Variants in SEMA3A observed in about 807,000 individuals in gnomAD.
SEMA3A encodes the protein semaphorin-3A.
In SEMA3A, 29 loss-of-function variants were observed where a neutral mutation model predicts 97.9. The ratio of observed to expected loss-of-function variants is 0.30; its 90% CI spans 0.22 to 0.40. The LOEUF is 0.40. Among genes scored for constraint, SEMA3A ranks in the 10% least tolerant of loss-of-function variants. The pLI is 1.00. For synonymous variants in SEMA3A, 321 were observed against 323.7 expected, an observed-to-expected ratio of 0.99 and a Z score of 0.09; for missense variants, 763 against 951.3, an observed-to-expected ratio of 0.80 and a Z score of 2.60.
intron 2 of SEMA3A, among the ~76,000 whole-genome samples, chr7:84,354,807 A>T (rs1802517959): frequency 6.6e-6 from 1 of 151,770 alleles, no homozygotes; most frequent in Admixed American, 6.6e-5. Context: ...CAGAACAAAT[A>T]GTTGTATAAT....
intron 3 of SEMA3A, among the ~76,000 whole-genome samples, chr7:84,231,687 G>C (rs2116357700): frequency 6.6e-6 from 1 of 152,048 alleles, no homozygotes; most frequent in South Asian, 2.1e-4. Context: ...TTTGAGGCCA[G>C]AAGGGAATGG....
rs555781034 is a variant in SEMA3A, at chr7:84,427,994, G to A, written c.-245-56094C>T. ...TATAAATTTTAAAGTAATGAATATTGTATTTAGCTTCTTTAATGTCTTCTT... is the reference window on the plus strand; with the variant it reads ...TATAAATTTTAAAGTAATGAATATTATATTTAGCTTCTTTAATGTCTTCTT... On this transcript the variant is annotated intron_variant, in intron 1 of 3. Transcript: ENST00000424555. Among the ~76,000 whole-genome samples, 5 of 152,174 alleles carry A rather than the reference G, an allele frequency of 3.3e-5. No homozygotes were observed. In the East Asian group the frequency reaches 9.7e-4, roughly 29 times the overall value.
chr7:84,115,079 T>C (rs1184407505), intron 3 of SEMA3A, among the ~76,000 whole-genome samples: 1 of 152,072 alleles, frequency 6.6e-6, no homozygotes, highest in Non-Finnish European at 1.5e-5. Context: ...TCCACATCAA[T>C]GCTTTTATAT....
Position 84,484,356 on chromosome 7 carries a change from T to C in SEMA3A, c.-246+8104A>G, listed in dbSNP as rs1405838694. ...AGGAAACAAATATTTTAAATGCATA[T>C]ATTTTTCTTGTTGGTGCATATAAAA... On this transcript the variant is annotated intron_variant, in intron 1 of 3. Transcript: ENST00000424555. Among the ~76,000 whole-genome samples the C allele has an allele frequency of 2.0e-5, 3 of 152,160 alleles. No homozygotes were observed. The East Asian group carries it at 5.8e-4, about 29-fold the overall frequency.
At chr7:84,468,497 T>A (rs1806062561) in intron 1 of SEMA3A, among the ~76,000 whole-genome samples, 1 of 152,226 alleles carries the variant, frequency 6.6e-6, no homozygotes, top group African/African-American at 2.4e-5. Context: ...TTTTAAATAT[T>A]TCTGTCACAC....
chr7:84,262,461 C>T (rs1177652746), intron 3 of SEMA3A, among the ~76,000 whole-genome samples: 1 of 152,098 alleles, frequency 6.6e-6, no homozygotes, highest in African/African-American at 2.4e-5. Flanking sequence ...GTGATCTAAC[C>T]GTCTTGGCCT....
chr7:84,158,186 ACT>A (rs1390940682), intron 1 of SEMA3A, among the ~76,000 whole-genome samples: 2 of 113,432 alleles, frequency 1.8e-5, no homozygotes, highest in Non-Finnish European at 3.3e-5. Flanking sequence ...ATGGAGTCTC[ACT>A]CTGTTGCCCA....
chr7:84,020,660 C>A (rs1205700120), intron 6 of SEMA3A, among the ~76,000 whole-genome samples: 1 of 151,920 alleles, frequency 6.6e-6, no homozygotes, highest in Non-Finnish European at 1.5e-5. Flanking sequence ...GTTATTTTAC[C>A]TTAAAACTTT....
intron 1 of SEMA3A, among the ~76,000 whole-genome samples, chr7:84,407,545 T>C (rs1804131065): frequency 6.6e-6 from 1 of 151,376 alleles, no homozygotes; most frequent in Non-Finnish European, 1.5e-5. Context: ...AAAAACTACT[T>C]TAAAGTTCAT....
At chr7:84,488,429 C>A (rs972019587) in intron 1 of SEMA3A, among the ~76,000 whole-genome samples, 12 of 151,680 alleles carry the variant, frequency 7.9e-5, no homozygotes, top group Admixed American at 6.6e-4. Flanking sequence ...CCCAGATAGT[C>A]CTATTGAATA....
intron 1 of SEMA3A, among the ~76,000 whole-genome samples, chr7:84,160,149 A>G (rs1485310204): frequency 6.6e-6 from 1 of 152,152 alleles, no homozygotes; most frequent in Non-Finnish European, 1.5e-5. Context: ...CCTCATTGAC[A>G]GAATTGCACC....
intron 1 of SEMA3A, among the ~76,000 whole-genome samples, chr7:84,454,672 T>C (rs989155511): frequency 6.6e-6 from 1 of 152,154 alleles, no homozygotes; most frequent in Non-Finnish European, 1.5e-5. Flanking sequence ...AAAATATTGA[T>C]AGAAAAACAC....
intron 3 of SEMA3A, among the ~76,000 whole-genome samples, chr7:84,202,782 T>C (rs1418415932): frequency 6.6e-6 from 1 of 152,170 alleles, no homozygotes; most frequent in Non-Finnish European, 1.5e-5. Context: ...TCACAGGTTA[T>C]TTTTTTAGGA....
chr7:84,460,362 T>C (rs1805797774), intron 1 of SEMA3A, among the ~76,000 whole-genome samples: 2 of 151,452 alleles, frequency 1.3e-5, no homozygotes, highest in African/African-American at 2.4e-5. Flanking sequence ...TTTCCAAAAA[T>C]ATAATGAATC....
intron 4 of SEMA3A, among the ~76,000 whole-genome samples, chr7:84,061,945 A>G (rs1793232838): frequency 6.6e-6 from 1 of 152,156 alleles, no homozygotes; most frequent in African/African-American, 2.4e-5. Flanking sequence ...GTTATAGTGG[A>G]AAACGCAATG....
chr7:84,277,791 C>T (rs562869562), intron 3 of SEMA3A, among the ~76,000 whole-genome samples: 1 of 152,038 alleles, frequency 6.6e-6, no homozygotes, highest in Non-Finnish European at 1.5e-5. Flanking sequence ...GGCTTCAAGA[C>T]CTCTGATGAG....
chr7:84,028,865 C>T lies in SEMA3A; in HGVS notation c.668-14514G>A, dbSNP rs1288966782. On this transcript the variant is annotated intron_variant, in intron 6 of 16. Coordinates refer to ENST00000265362, the MANE Select transcript of SEMA3A (RefSeq NM_006080.3). Reference sequence around the variant, plus strand: ...CAATCTCCTGACCTCGTGATCTGCCCGCCTCGGCCTCCCAAAGTGCTGGGA... The same window carrying T: ...CAATCTCCTGACCTCGTGATCTGCCTGCCTCGGCCTCCCAAAGTGCTGGGA... Among the ~76,000 whole-genome samples the T allele has an allele frequency of 5.3e-5, 8 of 152,050 alleles. No homozygotes were observed. In the East Asian group the frequency reaches 7.7e-4, roughly 15 times the overall value.
chr7:84,293,871 G>C (rs1401292843), intron 3 of SEMA3A, among the ~76,000 whole-genome samples: 1 of 151,962 alleles, frequency 6.6e-6, no homozygotes, highest in Non-Finnish European at 1.5e-5. Flanking sequence ...TCTTCACATA[G>C]ATGAAAAGAT....
chr7:84,050,583 G>A (rs1479367188), intron 5 of SEMA3A, among the ~76,000 whole-genome samples: 1 of 151,932 alleles, frequency 6.6e-6, no homozygotes. Flanking sequence ...AAATTTGTTT[G>A]AGTTCATTGT....
Sources: gnomAD v4.1 joint callset for allele counts (sites outside exome capture counted in the v4.1 genomes callset) on GRCh38, gnomAD v4.1.1 for gene constraint, MANE v1.5 for transcripts, NCBI Gene and HGNC (gene_info 2026-07-23, HGNC 2026-07-21) for gene names.